MECR: variants seen among roughly 807,000 people sequenced by gnomAD.
MECR encodes the protein enoyl-[acyl-carrier-protein] reductase, mitochondrial.
In MECR, 37 loss-of-function variants were observed where a neutral mutation model predicts 49.1. That is an observed-to-expected ratio of 0.75 (90% confidence interval 0.58 to 0.99). MECR has a LOEUF of 0.99. Among genes scored for constraint, MECR ranks in the 50% least tolerant of loss-of-function variants. The probability of loss-of-function intolerance (pLI) is 0.00; values close to 1 mark genes in which losing one functional copy is unlikely to be tolerated. For synonymous variants in MECR, 198 were observed against 191.1 expected, an observed-to-expected ratio of 1.04 and a Z score of -0.30; for missense variants, 470 against 479.6, an observed-to-expected ratio of 0.98 and a Z score of 0.19.
intron 1 of MECR, among the ~76,000 whole-genome samples, chr1:29,226,485 A>G (rs1276543829): frequency 6.6e-6 from 1 of 152,118 alleles, no homozygotes; most frequent in African/African-American, 2.4e-5. Context: ...ATCATTTGAG[A>G]CTTTGGGAGG....
rs753435921 is a variant in MECR at position 29,201,039 on chromosome 1, G to A, written c.757-450C>T. Among the ~76,000 whole-genome samples the A allele has an allele frequency of 2.0e-5, 3 of 152,242 alleles. No homozygotes were observed. The highest frequency in any genetic ancestry group is 2.9e-5 in the Non-Finnish European group (2 of 68,018). ...TCAAACTCTCAGACTCAAGCAATCC[G>A]CCTGCCTTGGCCTCCCGAAGTGCTG... On this transcript the variant is annotated intron_variant, in intron 6 of 9. Transcript: ENST00000263702. This position sits in a 1 kb window ranked among gnomAD's most constrained non-coding sequence, Gnocchi z 4.3.
intron 3 of MECR, among the ~76,000 whole-genome samples, chr1:29,215,731 C>T (rs1227422850): frequency 1.3e-5 from 2 of 151,750 alleles, no homozygotes; most frequent in African/African-American, 2.4e-5. Flanking sequence ...ATTAGCCGGG[C>T]GTGGTGGTAG....
At chr1:29,204,467 A>T (rs569055840) in intron 4 of MECR, among the ~76,000 whole-genome samples, 75 of 151,816 alleles carry the variant, frequency 4.9e-4, no homozygotes, top group African/African-American at 1.7e-3. Flanking sequence ...TTTTTTTTTT[A>T]AAGTTAAAAT....
At chr1:29,195,005 A>T (rs1156403161) in intron 9 of MECR, among the ~76,000 whole-genome samples, 4 of 151,932 alleles carry the variant, frequency 2.6e-5, no homozygotes, top group African/African-American at 9.7e-5. Context: ...GGTCCTAGCT[A>T]CTTGGGAGGC....
chr1:29,228,660 CAGA>C (rs1039850277), intron 1 of MECR, among the ~76,000 whole-genome samples: 1 of 152,018 alleles, frequency 6.6e-6, no homozygotes, highest in Non-Finnish European at 1.5e-5. Flanking sequence ...TGAAGTTCCA[CAGA>C]AGGACATAAT....
chr1:29,207,003 GTAGCATCCACTGGAAGCATCCAGGA>G (rs1676764845), intron 3 of MECR, 98 bp from the exon 4 acceptor site: 2 of 1,335,446 alleles, frequency 1.5e-6, no homozygotes, highest in Non-Finnish European at 2.1e-6. Flanking sequence ...AGGATAGTGG[GTAGCATCCACTGGAAGCATCCAGGA>G]TAGCATCCAG....
At chr1:29,186,298 G>C in the MECR span, among the ~76,000 whole-genome samples, 1 of 152,220 alleles carries the variant, frequency 6.6e-6, no homozygotes, top group Non-Finnish European at 1.5e-5. Flanking sequence ...TTCACAGTCA[G>C]GGCTTTGATA....
At chr1:29,181,871 G>C in the MECR span, 1 of 760,340 alleles carries the variant, frequency 1.3e-6, no homozygotes, top group Non-Finnish European at 1.9e-6. Context: ...GACGGACGCA[G>C]CCGAACCCCG....
At position 29,201,038 on chromosome 1, in the gene MECR, C is replaced by T. The variant is rs953827882; in HGVS notation, c.757-449G>A. On this transcript the variant is annotated intron_variant, in intron 6 of 9. Transcript: ENST00000263702. The surrounding 1 kb of genome is among the most constrained non-coding windows in gnomAD (Gnocchi z 4.3). ...CTCAAACTCTCAGACTCAAGCAATC[C>T]GCCTGCCTTGGCCTCCCGAAGTGCT... Among the ~76,000 whole-genome samples, 7 of 152,158 alleles carry T rather than the reference C, an allele frequency of 4.6e-5. No homozygotes were observed. Among genetic ancestry groups the T allele is most frequent in the African/African-American group, 1.2e-4 (5 of 41,434 alleles).
chr1:29,198,284 G>A (rs1674493271), intron 7 of MECR, among the ~76,000 whole-genome samples: 2 of 152,220 alleles, frequency 1.3e-5, no homozygotes, highest in Admixed American at 1.3e-4. Context: ...GGGGACCCGT[G>A]TTAGACCACC....
At chr1:29,178,219 T>G in the MECR span, among the ~76,000 whole-genome samples, 2 of 152,062 alleles carry the variant, frequency 1.3e-5, no homozygotes, top group African/African-American at 4.8e-5. Context: ...ATTTTATGCC[T>G]TAATTCTAAA....
At chr1:29,206,285 G>A (rs996768155) in intron 4 of MECR, among the ~76,000 whole-genome samples, 3 of 152,222 alleles carry the variant, frequency 2.0e-5, no homozygotes, top group Admixed American at 2.0e-4. Context: ...CTTAACCAAT[G>A]ATGGTACCAA....
the MECR span, among the ~76,000 whole-genome samples, chr1:29,184,341 A>AT: frequency 1.3e-5 from 2 of 150,144 alleles, no homozygotes; most frequent in Non-Finnish European, 3.0e-5. Flanking sequence ...CGCCTGGCTA[A>AT]TTTTTTTGTA....
chr1:29,214,330 GGATTACAGGCATGAGCCACT>G (rs557620535), intron 3 of MECR, among the ~76,000 whole-genome samples: 53 of 150,336 alleles, frequency 3.5e-4, no homozygotes, highest in African/African-American at 1.3e-3. Flanking sequence ...CGAAGTTCTG[GGATTACAGGCATGAGCCACT>G]GCGCCTGGCC....
chr1:29,185,097 G>C, the MECR span, among the ~76,000 whole-genome samples: 513 of 152,232 alleles, frequency 3.4e-3, no homozygotes, highest in Non-Finnish European at 5.7e-3. Context: ...TTGCACTCCA[G>C]CCTGGGCAAC....
chr1:29,186,649 C>T, the MECR span, among the ~76,000 whole-genome samples: 2 of 152,210 alleles, frequency 1.3e-5, no homozygotes, highest in African/African-American at 4.8e-5. Flanking sequence ...GCCTTTTTCT[C>T]ATGCCTCCCC....
chr1:29,195,412 A>C (rs1245485010), intron 9 of MECR, among the ~76,000 whole-genome samples: 2 of 152,226 alleles, frequency 1.3e-5, no homozygotes, highest in African/African-American at 4.8e-5. Context: ...CCAGTCCTCC[A>C]GGAGATGAAC....
chr1:29,184,504 A>T, the MECR span, among the ~76,000 whole-genome samples: 3 of 152,042 alleles, frequency 2.0e-5, no homozygotes, highest in African/African-American at 7.2e-5. Flanking sequence ...CTGTAATCCC[A>T]GCGCTTTGGG....
intron 7 of MECR, 56 bp from the exon 8 acceptor site, chr1:29,196,314 T>G: frequency 1.3e-6 from 2 of 1,491,706 alleles, no homozygotes; most frequent in Non-Finnish European, 1.8e-6. Flanking sequence ...GAGCCCTTCC[T>G]GAACCTGCCA....
Sources: allele counts gnomAD v4.1 joint callset (sites outside exome capture counted in the v4.1 genomes callset), GRCh38; gene constraint gnomAD v4.1.1; non-coding constraint Gnocchi (gnomAD v3.1); transcripts MANE v1.5; gene names NCBI Gene and HGNC (gene_info 2026-07-23, HGNC 2026-07-21).